Variants in SPAG6 observed in about 807,000 individuals in gnomAD.
SPAG6 encodes sperm associated antigen 6.
In SPAG6, 49 loss-of-function variants were observed where a neutral mutation model predicts 58.5. The observed-to-expected ratio is 0.84, with a 90% CI of 0.67 to 1.06. The LOEUF is 1.06. Among genes scored for constraint, SPAG6 ranks in the 50% least tolerant of loss-of-function variants. SPAG6 has a pLI of 0.00. For synonymous variants in SPAG6, 233 were observed against 225.6 expected (o/e 1.03, Z -0.29); for missense variants, 560 against 611.3 (o/e 0.92, Z 0.89).
chr10:22,359,499 T>C (rs1346865719), intron 2 of SPAG6: 1 of 153,188 alleles, frequency 6.5e-6, no homozygotes, highest in African/African-American at 2.4e-5. Flanking sequence ...GATCAAGTGA[T>C]TCTCCTGCCT....
At chr10:22,384,469 T>A (rs1022355056) in intron 4 of SPAG6, among the ~76,000 whole-genome samples, 5 of 152,078 alleles carry the variant, frequency 3.3e-5, no homozygotes, top group Non-Finnish European at 7.4e-5. Flanking sequence ...ATATGTAGAG[T>A]CTACATTATT....
At chr10:22,411,911 C>T (rs1834748206) in intron 10 of SPAG6, among the ~76,000 whole-genome samples, 1 of 132,826 alleles carries the variant, frequency 7.5e-6, no homozygotes, top group South Asian at 2.3e-4. Flanking sequence ...TGCAGTGGCG[C>T]GATTTCGGCT....
At chr10:22,376,613 G>A (rs1354794915) in intron 4 of SPAG6, among the ~76,000 whole-genome samples, 1 of 152,018 alleles carries the variant, frequency 6.6e-6, no homozygotes, top group Non-Finnish European at 1.5e-5. Flanking sequence ...ATACATACAT[G>A]CATGTGCGTA....
intron 8 of SPAG6, among the ~76,000 whole-genome samples, chr10:22,393,242 C>G (rs917271653): frequency 2.6e-5 from 4 of 152,020 alleles, no homozygotes; most frequent in Non-Finnish European, 5.9e-5. Context: ...TTTTCTCCTC[C>G]TCCTTTCCTT....
At position 22,389,129 on chromosome 10, in the gene SPAG6, T is replaced by C. The variant is rs753730782; in HGVS notation, c.853-31T>C. ...GTATTTAAAGACCATCATAGGGTCC[T>C]GGTGATCTAACTCTTGTTCCCATCG... On this transcript the variant is annotated intron_variant, in intron 6 of 10. Coordinates refer to ENST00000376624, the MANE Select transcript of SPAG6 (RefSeq NM_012443.4). 29 of 1,604,946 alleles carry C rather than the reference T, an allele frequency of 1.8e-5. No individual in the cohort carries two copies. The Middle Eastern group carries it at 5.0e-4, about 28-fold the overall frequency.
chr10:22,355,009 GAGTC>G (rs1340040497), intron 2 of SPAG6, among the ~76,000 whole-genome samples: 3 of 148,900 alleles, frequency 2.0e-5, no homozygotes, highest in South Asian at 2.1e-4. Context: ...AAAAAAAAAA[GAGTC>G]AGACAGTTGC....
intron 4 of SPAG6, among the ~76,000 whole-genome samples, chr10:22,385,769 T>C (rs1304759320): frequency 1.3e-5 from 2 of 152,212 alleles, no homozygotes; most frequent in African/African-American, 4.8e-5. Context: ...TTAAGTGATA[T>C]GCTAAATAGA....
chr10:22,411,352 T>C (rs1358784521), intron 10 of SPAG6, 176 bp downstream of exon 10: 6 of 497,368 alleles, frequency 1.2e-5, no homozygotes, highest in African/African-American at 2.0e-5. Context: ...ATGATCTGAC[T>C]GACACGCACA....
intron 7 of SPAG6, among the ~76,000 whole-genome samples, chr10:22,390,598 A>G (rs1199109037): frequency 6.6e-6 from 1 of 152,158 alleles, no homozygotes; most frequent in Non-Finnish European, 1.5e-5. Context: ...TCCTTATCTT[A>G]TTTGTTATTC....
At chr10:22,402,853 G>A (rs1296945778) in intron 9 of SPAG6, among the ~76,000 whole-genome samples, 7 of 152,276 alleles carry the variant, frequency 4.6e-5, no homozygotes, top group African/African-American at 1.7e-4. Flanking sequence ...GGGGTAAGGG[G>A]CTGAGTAGAT....
chr10:22,378,528 G>A (rs1168016351), intron 4 of SPAG6, among the ~76,000 whole-genome samples: 2 of 151,186 alleles, frequency 1.3e-5, no homozygotes, highest in East Asian at 1.9e-4. Flanking sequence ...ACAACTTCTA[G>A]ATTCAAAAAG....
At chr10:22,352,637 C>T (rs1836760895) in intron 2 of SPAG6, among the ~76,000 whole-genome samples, 1 of 152,178 alleles carries the variant, frequency 6.6e-6, no homozygotes, top group Non-Finnish European at 1.5e-5. Context: ...CCTGCCTCAG[C>T]CTTCCTAGTA....
chr10:22,405,370 C>A (rs1377200780), intron 9 of SPAG6, among the ~76,000 whole-genome samples: 2 of 151,898 alleles, frequency 1.3e-5, no homozygotes. Flanking sequence ...TTGTCAAAGG[C>A]CTTTTCTGCA....
intron 4 of SPAG6, among the ~76,000 whole-genome samples, chr10:22,381,332 T>TAA (rs1010243946): frequency 7.0e-6 from 1 of 143,468 alleles, no homozygotes. Context: ...ACAGTGTTCT[T>TAA]AAAAAAAAAA....
At chr10:22,360,786 A>T (rs1290288087) in intron 2 of SPAG6, 1 of 1,533,022 alleles carries the variant, frequency 6.5e-7, no homozygotes, top group Admixed American at 2.0e-5. Flanking sequence ...TGTGGCAACT[A>T]TTCAGACTGC....
intron 4 of SPAG6, among the ~76,000 whole-genome samples, chr10:22,376,844 G>A (rs1833826696): frequency 6.6e-6 from 1 of 152,018 alleles, no homozygotes; most frequent in African/African-American, 2.4e-5. Flanking sequence ...CAGCACTTTG[G>A]GAGGCCAAGG....
At chr10:22,368,938 G>A (rs1201042262) in intron 4 of SPAG6, among the ~76,000 whole-genome samples, 1 of 152,054 alleles carries the variant, frequency 6.6e-6, no homozygotes, top group Non-Finnish European at 1.5e-5. Context: ...GGCAGCGGGT[G>A]GGAGAGTAGG....
At chr10:22,361,139 T>C (rs574732254) in intron 2 of SPAG6, 24 of 327,714 alleles carry the variant, frequency 7.3e-5, no homozygotes, top group African/African-American at 4.9e-4. Context: ...TCCAATAAGG[T>C]TATTCCAACA....
chr10:22,359,506 G>A (rs192765672), intron 2 of SPAG6: 41 of 152,956 alleles, frequency 2.7e-4, no homozygotes, highest in African/African-American at 9.2e-4. Flanking sequence ...TGATTCTCCT[G>A]CCTCAGTCTC....
Sources: gnomAD v4.1 joint callset for allele counts (sites outside exome capture counted in the v4.1 genomes callset) on GRCh38, gnomAD v4.1.1 for gene constraint, MANE v1.5 for transcripts, NCBI Gene and HGNC (gene_info 2026-07-23, HGNC 2026-07-21) for gene names.